ADAMTSL3: variants seen among roughly 807,000 people sequenced by gnomAD.
ADAMTSL3 encodes the protein ADAMTS-like protein 3.
Under a neutral mutation model 201.7 loss-of-function variants are expected in ADAMTSL3, and 128 were observed. The observed-to-expected ratio is 0.63, with a 90% CI of 0.55 to 0.73. The LOEUF (loss-of-function observed/expected upper bound fraction) is 0.73, where lower values mean the gene tolerates loss of function less well. ADAMTSL3 is among the 30% of genes least tolerant of loss of function. The pLI is 0.00. For missense variants in ADAMTSL3, 1,990 were observed against 2,119.6 expected (o/e 0.94, Z 1.20); for synonymous variants, 738 against 748.4 (o/e 0.99, Z 0.23).
intron 2 of ADAMTSL3, among the ~76,000 whole-genome samples, chr15:83,694,927 G>A (rs183254527): frequency 1.6e-3 from 248 of 152,256 alleles, no homozygotes; most frequent in Non-Finnish European, 2.5e-3. Context: ...TCTCCTTTTG[G>A]GGAACTGAAA....
chr15:83,885,744 T>C (rs1179861102), intron 10 of ADAMTSL3, among the ~76,000 whole-genome samples: 1 of 152,072 alleles, frequency 6.6e-6, no homozygotes, highest in African/African-American at 2.4e-5. Context: ...GTCTTTTTTT[T>C]TTTTGAGTCT....
chr15:83,855,494 C>G (rs149975164), intron 7 of ADAMTSL3, among the ~76,000 whole-genome samples: 62 of 152,288 alleles, frequency 4.1e-4, no homozygotes, highest in African/African-American at 1.4e-3. Context: ...AACCACTACA[C>G]AGGTCAAATA....
chr15:83,883,789 C>T (rs1378032714), intron 9 of ADAMTSL3, among the ~76,000 whole-genome samples: 1 of 151,896 alleles, frequency 6.6e-6, no homozygotes, highest in East Asian at 1.9e-4. Flanking sequence ...TGATTTCAAA[C>T]TTCTGGCCTC....
intron 10 of ADAMTSL3, among the ~76,000 whole-genome samples, chr15:83,888,069 C>T (rs1298401432): frequency 6.6e-6 from 1 of 152,160 alleles, no homozygotes; most frequent in East Asian, 1.9e-4. Flanking sequence ...GGTGTTTCTC[C>T]TACTTGGGTG....
intron 15 of ADAMTSL3, among the ~76,000 whole-genome samples, chr15:83,908,836 G>T (rs367857884): frequency 1.3e-5 from 2 of 152,212 alleles, no homozygotes; most frequent in African/African-American, 4.8e-5. Context: ...TTCAGCTGAT[G>T]TCTCTGTTCC....
rs897644754 is a variant in ADAMTSL3 at position 83,907,391 on chromosome 15, T to TTTG, written c.1701-5688_1701-5686dup. Among the ~76,000 whole-genome samples, 7 of 152,258 alleles carry TTTG rather than the reference T, an allele frequency of 4.6e-5. No homozygotes were observed. In the East Asian group the frequency reaches 9.6e-4, roughly 21 times the overall value. ...TTTAAAATGAATAAATTGGCATTGT[T>TTTG]TTGTTGTTGTTGTTGATGATTTTTC... On this transcript the variant is annotated intron_variant, in intron 15 of 29. Transcript: ENST00000286744.
At chr15:83,970,662 A>T in intron 20 of ADAMTSL3, 25 bp downstream of exon 20, 1 of 1,611,772 alleles carries the variant, frequency 6.2e-7, no homozygotes, top group Non-Finnish European at 8.5e-7. Flanking sequence ...TCCGCGCTTC[A>T]CCAAGATATG....
intron 15 of ADAMTSL3, among the ~76,000 whole-genome samples, chr15:83,905,250 G>A (rs2065810060): frequency 6.6e-6 from 1 of 152,184 alleles, no homozygotes; most frequent in African/African-American, 2.4e-5. Context: ...ACTGCATGAT[G>A]GTATTGTAAG....
rs758434177 is a variant in ADAMTSL3, at chr15:84,031,296, C to T, written c.4657-39C>T. The T allele has an allele frequency of 5.7e-6, 9 of 1,583,510 alleles. No homozygotes were observed. In the South Asian group the frequency reaches 8.9e-5, roughly 16 times the overall value. ...TCTTAGTACACACAGCATGGATGAGCTTGCAGGATTTACACTGCACTGTGC... is the reference window on the plus strand; with the variant it reads ...TCTTAGTACACACAGCATGGATGAGTTTGCAGGATTTACACTGCACTGTGC... On this transcript the variant is annotated intron_variant, in intron 27 of 29. Coordinates refer to ENST00000286744, the MANE Select transcript of ADAMTSL3 (RefSeq NM_207517.3).
chr15:83,753,104 C>T (rs946769662), intron 3 of ADAMTSL3, among the ~76,000 whole-genome samples: 5 of 152,160 alleles, frequency 3.3e-5, no homozygotes, highest in Non-Finnish European at 5.9e-5. Context: ...CAGTAAGTGA[C>T]TTCTAACTTT....
chr15:83,793,443 A>G (rs2063374873), intron 4 of ADAMTSL3, among the ~76,000 whole-genome samples: 1 of 148,600 alleles, frequency 6.7e-6, no homozygotes, highest in African/African-American at 2.5e-5. Context: ...AAATACATAC[A>G]ATTTTATCTG....
At chr15:84,032,001 C>T (rs1190205692) in intron 28 of ADAMTSL3, among the ~76,000 whole-genome samples, 1 of 151,982 alleles carries the variant, frequency 6.6e-6, no homozygotes, top group East Asian at 1.9e-4. Flanking sequence ...ATCCAGATGC[C>T]CTCCATCTGG....
intron 3 of ADAMTSL3, among the ~76,000 whole-genome samples, chr15:83,772,453 G>A (rs941512723): frequency 1.3e-5 from 2 of 152,062 alleles, no homozygotes; most frequent in African/African-American, 2.4e-5. Flanking sequence ...CTTCTTCTCT[G>A]TAGTATTCTG....
intron 6 of ADAMTSL3, among the ~76,000 whole-genome samples, chr15:83,829,782 G>A (rs1159569456): frequency 2.0e-5 from 3 of 152,098 alleles, no homozygotes; most frequent in Admixed American, 6.5e-5. Flanking sequence ...ATTTCCTTAT[G>A]TACCCAGTAG....
chr15:83,828,236 C>G (rs2064069684), intron 6 of ADAMTSL3, among the ~76,000 whole-genome samples: 1 of 152,136 alleles, frequency 6.6e-6, no homozygotes, highest in African/African-American at 2.4e-5. Flanking sequence ...TGAAGAGGTC[C>G]TTCACATCCC....
chr15:83,939,649 TC>T (rs2066519795), intron 17 of ADAMTSL3, among the ~76,000 whole-genome samples: 1 of 151,206 alleles, frequency 6.6e-6, no homozygotes, highest in Admixed American at 6.6e-5. Context: ...TTAGACAGAG[TC>T]TTGCTCTGTC....
At chr15:83,721,031 A>G (rs2062093627) in intron 3 of ADAMTSL3, among the ~76,000 whole-genome samples, 2 of 152,258 alleles carry the variant, frequency 1.3e-5, no homozygotes, top group South Asian at 4.1e-4. Flanking sequence ...ATAAATGCAC[A>G]AGACATTTTG....
intron 8 of ADAMTSL3, among the ~76,000 whole-genome samples, chr15:83,867,242 T>G (rs1482146197): frequency 6.6e-6 from 1 of 152,208 alleles, no homozygotes; most frequent in Non-Finnish European, 1.5e-5. Context: ...GTCAGTCTCT[T>G]TGCTGTGAAG....
In ADAMTSL3 at chr15:83,943,121, G is replaced by C. The variant is rs1027067210; in HGVS notation, c.2490+39G>C. On this transcript the variant is annotated intron_variant, in intron 19 of 29. Transcript: ENST00000286744. ...TCAACTTTATAGTCCCTTCTTTTCT[G>C]CCCCTCCTTTGTTTCAGCTTCTAAA... 8 of 1,553,440 alleles carry C rather than the reference G, an allele frequency of 5.1e-6. No homozygotes were observed. The African/African-American group carries it at 1.1e-4, about 21-fold the overall frequency.
Sources: gnomAD v4.1 joint callset for allele counts (sites outside exome capture counted in the v4.1 genomes callset) on GRCh38, gnomAD v4.1.1 for gene constraint, MANE v1.5 for transcripts, NCBI Gene and HGNC (gene_info 2026-07-23, HGNC 2026-07-21) for gene names.